The following ANK3 variants were observed in gnomAD, a reference collection of about 807,000 sequenced individuals.
ANK3 encodes the protein ankyrin 3.
Under a neutral mutation model 370.9 loss-of-function variants are expected in ANK3, and 57 were observed. The ratio of observed to expected loss-of-function variants is 0.15; its 90% confidence interval spans 0.12 to 0.19. The LOEUF is 0.19. ANK3 is among the 10% of genes least tolerant of loss of function. The pLI, the probability that ANK3 is intolerant of heterozygous loss-of-function variation, is 1.00. For synonymous variants in ANK3, 1,929 were observed against 1,946.3 expected (o/e 0.99, Z 0.23); for missense variants, 4,439 against 5,302.1 (o/e 0.84, Z 5.06).
chr10:60,380,585 G>T (rs2061424542), intron 1 of ANK3, among the ~76,000 whole-genome samples: 1 of 152,140 alleles, frequency 6.6e-6, no homozygotes, highest in African/African-American at 2.4e-5. Context: ...TCTACGTCAT[G>T]CATGTGGTAG....
chr10:60,217,656 GGA>G lies in ANK3; in HGVS notation c.898-4148_898-4147del, dbSNP rs1208814822. Reference sequence around the variant, plus strand: ...ATTTCAGTTCTTTTGCATTTGCCGAGGAGTGTTTTACTTCCAATCATATGATC... The same window carrying G: ...ATTTCAGTTCTTTTGCATTTGCCGAGGTGTTTTACTTCCAATCATATGATC... On this transcript the variant is annotated intron_variant, in intron 8 of 43. Coordinates refer to ENST00000280772, the MANE Select transcript of ANK3 (RefSeq NM_020987.5). Among the ~76,000 whole-genome samples the G allele has an allele frequency of 2.0e-5, 3 of 152,150 alleles. No individual in the cohort carries two copies. The East Asian group carries it at 5.8e-4, about 29-fold the overall frequency.
At chr10:60,465,724 CAG>C (rs897475439) in intron 2 of ANK3, among the ~76,000 whole-genome samples, 1 of 151,064 alleles carries the variant, frequency 6.6e-6, no homozygotes, top group Non-Finnish European at 1.5e-5. Flanking sequence ...TAAAACTTGA[CAG>C]AATGCTTTAC....
chr10:60,729,304 C>T (rs1158209274), intron 1 of ANK3, among the ~76,000 whole-genome samples: 1 of 152,140 alleles, frequency 6.6e-6, no homozygotes, highest in Non-Finnish European at 1.5e-5. Context: ...AGAAGCCCTA[C>T]ACTTGTAGAG....
intron 16 of ANK3, 34 bp from the exon 17 acceptor site, chr10:60,186,946 G>C (rs1384986383): frequency 6.3e-7 from 1 of 1,599,038 alleles, no homozygotes; most frequent in East Asian, 2.2e-5. Flanking sequence ...ACATGCCCAG[G>C]AACAAGATAA....
intron 1 of ANK3, among the ~76,000 whole-genome samples, chr10:60,674,044 A>G (rs1416724725): frequency 6.6e-6 from 1 of 152,170 alleles, no homozygotes; most frequent in Non-Finnish European, 1.5e-5. Context: ...AATGTTTAGT[A>G]GCCTTCCTTG....
At chr10:60,317,201 T>G (rs978169332) in intron 1 of ANK3, among the ~76,000 whole-genome samples, 1 of 152,156 alleles carries the variant, frequency 6.6e-6, no homozygotes, top group African/African-American at 2.4e-5. Flanking sequence ...AGTACAGTGG[T>G]GCGATGTCTG....
chr10:60,316,811 G>T (rs996638169), intron 1 of ANK3, among the ~76,000 whole-genome samples: 14 of 151,908 alleles, frequency 9.2e-5, no homozygotes, highest in Non-Finnish European at 2.1e-4. Flanking sequence ...GCAGTGGCAC[G>T]ATCTCGGCTC....
chr10:60,348,010 C>A (rs1241957042), intron 1 of ANK3, among the ~76,000 whole-genome samples: 4 of 152,114 alleles, frequency 2.6e-5, no homozygotes, highest in African/African-American at 7.2e-5. Flanking sequence ...AACCCCTCAC[C>A]ACCACCATGC....
intron 8 of ANK3, among the ~76,000 whole-genome samples, chr10:60,233,445 G>A (rs2097279379): frequency 6.6e-6 from 1 of 152,050 alleles, no homozygotes; most frequent in Admixed American, 6.6e-5. Flanking sequence ...ATTAAAAAAT[G>A]TTGTTTTGTT....
At chr10:60,633,284 T>G (rs1313417357) in intron 1 of ANK3, among the ~76,000 whole-genome samples, 1 of 152,088 alleles carries the variant, frequency 6.6e-6, no homozygotes, top group Non-Finnish European at 1.5e-5. Context: ...AATTGCACAT[T>G]AAATAATGCA....
chr10:60,509,894 A>G (rs528153392), intron 2 of ANK3, among the ~76,000 whole-genome samples: 3 of 152,106 alleles, frequency 2.0e-5, no homozygotes, highest in Non-Finnish European at 4.4e-5. Context: ...ATGAGATAAT[A>G]CACATAACAT....
intron 1 of ANK3, among the ~76,000 whole-genome samples, chr10:60,362,263 C>T (rs1437930326): frequency 6.6e-6 from 1 of 152,154 alleles, no homozygotes; most frequent in Non-Finnish European, 1.5e-5. Flanking sequence ...GTACATATAT[C>T]TTTGCACACT....
chr10:60,097,671 C>G (rs1589945598), intron 28 of ANK3, among the ~76,000 whole-genome samples: 2 of 152,274 alleles, frequency 1.3e-5, no homozygotes, highest in African/African-American at 4.8e-5. Context: ...TTTCAAATGA[C>G]CATCTTGATT....
intron 28 of ANK3, among the ~76,000 whole-genome samples, chr10:60,092,762 A>T (rs2088907183): frequency 6.6e-6 from 1 of 152,216 alleles, no homozygotes; most frequent in African/African-American, 2.4e-5. Flanking sequence ...TTGAAACAGA[A>T]TCTCACTCTG....
At chr10:60,138,847 T>G in intron 24 of ANK3, 117 bp downstream of exon 24, 2 of 1,378,440 alleles carry the variant, frequency 1.5e-6, no homozygotes, top group Non-Finnish European at 2.0e-6. Context: ...TTCGCTAAAT[T>G]CACATCTTCA....
intron 2 of ANK3, among the ~76,000 whole-genome samples, chr10:60,556,019 C>A (rs1302939778): frequency 1.3e-5 from 2 of 152,168 alleles, no homozygotes; most frequent in African/African-American, 4.8e-5. Context: ...AATCGTGGGC[C>A]AAAGCCTTGG....
chr10:60,066,662 A>G (rs1476337288), intron 38 of ANK3, among the ~76,000 whole-genome samples: 1 of 152,094 alleles, frequency 6.6e-6, no homozygotes, highest in Non-Finnish European at 1.5e-5. Context: ...ACTGCTTCCT[A>G]TTATCTAGTT....
At position 60,389,548 on chromosome 10, in the gene ANK3, A is replaced by G. The variant is rs746144622; in HGVS notation, c.-10T>C. On this transcript the variant is annotated 5_prime_UTR_variant, in exon 1 of 44. Transcript: ENST00000280772. ...AGGCTGCATGAGCCATAATGCATTTAAAAAGATCCTCTCAAGCACACACGG... is the reference window on the plus strand; with the variant it reads ...AGGCTGCATGAGCCATAATGCATTTGAAAAGATCCTCTCAAGCACACACGG... The G allele has an allele frequency of 1.2e-6, 2 of 1,613,092 alleles. No individual in the cohort carries two copies. Among genetic ancestry groups the G allele is most frequent in the East Asian group, 2.2e-5 (1 of 44,876 alleles).
At chr10:60,039,134 T>C (rs1301317927) in intron 43 of ANK3, among the ~76,000 whole-genome samples, 1 of 152,246 alleles carries the variant, frequency 6.6e-6, no homozygotes, top group Non-Finnish European at 1.5e-5. Context: ...ATTGTATATC[T>C]AGTCCTTCCA....
Sources: gnomAD v4.1 joint callset for allele counts (sites outside exome capture counted in the v4.1 genomes callset) on GRCh38, gnomAD v4.1.1 for gene constraint, MANE v1.5 for transcripts, NCBI Gene and HGNC (gene_info 2026-07-23, HGNC 2026-07-21) for gene names.